Variants in MYO7A observed in about 807,000 individuals in gnomAD.
The protein encoded by MYO7A is myosin VIIA.
MYO7A carries 210 observed loss-of-function variants against 263.8 expected under a neutral mutation model. That is an observed-to-expected ratio of 0.80 (90% CI 0.71 to 0.89). MYO7A has a LOEUF of 0.89. MYO7A is among the 40% of genes least tolerant of loss of function. MYO7A has a pLI of 0.00. For missense variants in MYO7A, 2,820 were observed against 2,968.3 expected (o/e 0.95, Z 1.16); for synonymous variants, 1,239 against 1,197.3 (o/e 1.03, Z -0.72).
At chr11:77,150,845 G>C (rs1951910637) in intron 4 of MYO7A, among the ~76,000 whole-genome samples, 1 of 152,182 alleles carries the variant, frequency 6.6e-6, no homozygotes, top group Non-Finnish European at 1.5e-5. Flanking sequence ...CTGTGACTTG[G>C]TGGATGAGGT....
rs11237117 is a variant in MYO7A at position 77,200,674 on chromosome 11, T to C, written c.4853-774T>C. 2.4e-4 allele frequency among the ~76,000 whole-genome samples: 37 copies of C among 152,352 alleles called. No homozygotes were observed. In the East Asian group the frequency reaches 4.6e-3, roughly 19 times the overall value. The stretch of plus-strand genomic sequence containing the variant: ...TAGGATCTTGTTCCCATCTTTCCCC[T>C]GAAGCTAGACCAAATAGCAGAAGCC... On this transcript the variant is annotated intron_variant, in intron 35 of 48. Coordinates refer to ENST00000409709, the MANE Select transcript of MYO7A (RefSeq NM_000260.4).
intron 42 of MYO7A, among the ~76,000 whole-genome samples, chr11:77,208,197 G>A (rs570533283): frequency 3.3e-5 from 5 of 152,182 alleles, no homozygotes; most frequent in Admixed American, 6.5e-5. Context: ...CTAAGGCAGC[G>A]TTCAGTGTCC....
chr11:77,169,719 G>A (rs1953905653), intron 15 of MYO7A, among the ~76,000 whole-genome samples: 1 of 152,176 alleles, frequency 6.6e-6, no homozygotes, highest in Non-Finnish European at 1.5e-5. Flanking sequence ...GGACGTAGCA[G>A]TGAATAAAAC....
At position 77,162,956 on chromosome 11, in the gene MYO7A, AT is replaced by A. The variant is rs782390141; in HGVS notation, c.1662del (p.Phe554LeufsTer68). ...CATGAGACCCAGTTTGGCATCAACC[AT>A]TTTGCAGGCATCGTCTACTATGAGA... ...NNHETQFGIN[H>X]FAGIVYYETQ... On this transcript the variant is annotated frameshift_variant, in exon 14 of 49. Coordinates refer to ENST00000409709, the MANE Select transcript of MYO7A (RefSeq NM_000260.4). LOFTEE classifies it high-confidence loss of function. The A allele has an allele frequency of 6.2e-7, 1 of 1,613,614 alleles. No individual in the cohort carries two copies. Among genetic ancestry groups the A allele is most frequent in the Non-Finnish European group, 8.5e-7 (1 of 1,179,798 alleles).
chr11:77,170,862 A>AC (rs1365982743), intron 15 of MYO7A, among the ~76,000 whole-genome samples: 1 of 152,202 alleles, frequency 6.6e-6, no homozygotes, highest in African/African-American at 2.4e-5. Context: ...TTTTGAAAGT[A>AC]GAGCCTGTAG....
chr11:77,182,937 G>A (rs782519699), intron 25 of MYO7A, 131 bp from the exon 26 acceptor site: 20 of 815,404 alleles, frequency 2.5e-5, no homozygotes, highest in African/African-American at 1.7e-4. Flanking sequence ...GCAGGTGGAC[G>A]GTGGCAGTGT....
At position 77,161,984 on chromosome 11, in the gene MYO7A, C is replaced by A. The variant is rs1018908093; in HGVS notation, c.1344-136C>A. 4.9e-6 allele frequency: 4 copies of A among 813,812 alleles called. No individual in the cohort carries two copies. The African/African-American group carries it at 6.8e-5, about 14-fold the overall frequency. The allele number at this position is 813,812 out of a possible 1,614,324, so 50.4% of individuals were successfully genotyped here. A position where few individuals can be genotyped will look rare whatever the true frequency, so the allele number is the denominator to read the frequency against. On this transcript the variant is annotated intron_variant, in intron 12 of 48. Coordinates refer to ENST00000409709, the MANE Select transcript of MYO7A (RefSeq NM_000260.4). ...CTGGAGGGAGGTGGACTTGACAATTCCCCTCGCCTCTGAGTTTGGAGTCCA... is the reference window on the plus strand; with the variant it reads ...CTGGAGGGAGGTGGACTTGACAATTACCCTCGCCTCTGAGTTTGGAGTCCA...
chr11:77,208,594 A>T (rs1215449443), intron 43 of MYO7A, 77 bp downstream of exon 43: 16 of 1,508,236 alleles, frequency 1.1e-5, no homozygotes, highest in Non-Finnish European at 1.4e-5. Context: ...CGTGAGGCCC[A>T]CCTAGGCGGG....
chr11:77,209,000 T>C, intron 44 of MYO7A, 197 bp downstream of exon 44: 1 of 589,834 alleles, frequency 1.7e-6, no homozygotes, highest in Non-Finnish European at 3.0e-6. Flanking sequence ...TCTTCAGCCC[T>C]TAGGGGCTTG....
intron 4 of MYO7A, among the ~76,000 whole-genome samples, chr11:77,153,973 G>A (rs1332285800): frequency 1.3e-5 from 2 of 152,192 alleles, no homozygotes; most frequent in African/African-American, 4.8e-5. Context: ...AGTTTAGCTG[G>A]GCATGGTGGC....
intron 2 of MYO7A, among the ~76,000 whole-genome samples, chr11:77,136,447 TC>T (rs782821180): frequency 6.6e-6 from 1 of 152,180 alleles, no homozygotes; most frequent in Non-Finnish European, 1.5e-5. Context: ...AGGGGACCTC[TC>T]TTTAGCCACC....
intron 3 of MYO7A, among the ~76,000 whole-genome samples, chr11:77,144,415 G>A (rs1319470137): frequency 2.6e-5 from 4 of 152,132 alleles, no homozygotes; most frequent in African/African-American, 9.7e-5. Flanking sequence ...ATGGTGTCCC[G>A]TAACTGCGTC....
At chr11:77,183,010 G>T (rs1389922960) in intron 25 of MYO7A, 58 bp from the exon 26 acceptor site, 66 of 1,413,886 alleles carry the variant, frequency 4.7e-5, no homozygotes, top group Non-Finnish European at 6.2e-5. Flanking sequence ...TTGCTGTCGG[G>T]GGTCTCGACA....
In MYO7A at chr11:77,211,332, A is replaced by T. The variant is rs1957851371; in HGVS notation, c.6232A>T (p.Lys2078Ter). 2 of 1,578,606 alleles carry T rather than the reference A, an allele frequency of 1.3e-6. No homozygotes were observed. The highest frequency in any genetic ancestry group is 1.8e-5 in the Admixed American group (1 of 54,740). ...LIRQVSPDDW[K>*]RSIVAYFNKH... ...CCGGCAGGTCTCACCTGATGACTGG[A>T]AGCGGGTGAGCATGGGGTGGGCATC... Residue 2078 changes from lysine to a stop codon, truncating the protein, a stop_gained, in exon 45 of 49, where the codon AAG becomes TAG. Transcript: ENST00000409709. LOFTEE classifies it high-confidence loss of function.
chr11:77,170,505 C>T (rs1368143929), intron 15 of MYO7A, among the ~76,000 whole-genome samples: 2 of 152,008 alleles, frequency 1.3e-5, no homozygotes, highest in Non-Finnish European at 2.9e-5. Context: ...ATCAAGGAGG[C>T]GGTGGAGGGT....
chr11:77,189,807 G>C (rs1468597033), intron 28 of MYO7A, among the ~76,000 whole-genome samples: 1 of 152,210 alleles, frequency 6.6e-6, no homozygotes, highest in Non-Finnish European at 1.5e-5. Context: ...CTGTGAAGGG[G>C]TATGGGGAGG....
chr11:77,160,315 C>G, intron 11 of MYO7A, 33 bp downstream of exon 11: 2 of 1,541,040 alleles, frequency 1.3e-6, no homozygotes, highest in Non-Finnish European at 1.8e-6. Flanking sequence ...CTTGCTCGCC[C>G]TACCCCTTGG....
intron 43 of MYO7A, 79 bp from the exon 44 acceptor site, chr11:77,208,618 C>T (rs1957627764): frequency 6.7e-7 from 1 of 1,499,524 alleles, no homozygotes. Context: ...GAGTGAGGGC[C>T]TCCTCTGGGT....
chr11:77,184,172 G>C (rs1386548053), intron 26 of MYO7A, among the ~76,000 whole-genome samples: 2 of 152,148 alleles, frequency 1.3e-5, no homozygotes, highest in Non-Finnish European at 2.9e-5. Flanking sequence ...GTGACAGAGT[G>C]GTGGTGACTG....
Sources: allele counts gnomAD v4.1 joint callset (sites outside exome capture counted in the v4.1 genomes callset), GRCh38; gene constraint gnomAD v4.1.1; transcripts MANE v1.5; gene names NCBI Gene and HGNC (gene_info 2026-07-23, HGNC 2026-07-21).